Variants in ZMYM2 observed in about 807,000 individuals in gnomAD.
The protein encoded by ZMYM2 is zinc finger MYM-type protein 2.
A neutral mutation model predicts 162.8 loss-of-function variants in ZMYM2; 56 were observed. That is an observed-to-expected ratio of 0.34 (90% confidence interval 0.28 to 0.43). The LOEUF is 0.43. Ranked by LOEUF, ZMYM2 falls within the 20% of genes least tolerant of loss-of-function variation. The pLI is 1.00. For synonymous variants in ZMYM2, 510 were observed against 541.6 expected (o/e 0.94, Z 0.81); for missense variants, 1,275 against 1,621.8 (o/e 0.79, Z 3.67).
intron 2 of ZMYM2, among the ~76,000 whole-genome samples, chr13:19,977,774 G>A (rs942623822): frequency 2.0e-5 from 3 of 151,974 alleles, no homozygotes; most frequent in Non-Finnish European, 4.4e-5. Flanking sequence ...ACAGTCATGA[G>A]CCACCGCGCC....
the ZMYM2 span, among the ~76,000 whole-genome samples, chr13:19,930,032 A>T: frequency 6.6e-6 from 1 of 152,174 alleles, no homozygotes. Flanking sequence ...GCTAGGCAGG[A>T]GGATTGCCTG....
intron 11 of ZMYM2, among the ~76,000 whole-genome samples, chr13:20,035,421 G>C (rs1953597311): frequency 6.6e-6 from 1 of 152,104 alleles, no homozygotes; most frequent in African/African-American, 2.4e-5. Context: ...ATGTTTCGCT[G>C]TTATTTAAGA....
intron 6 of ZMYM2, among the ~76,000 whole-genome samples, chr13:20,014,651 G>GT (rs150239455): frequency 0.1 from 15,158 of 148,640 alleles, 1,235 homozygotes; most frequent in African/African-American, 0.22. Flanking sequence ...TTTCTGTTCT[G>GT]TTTTATTTTT....
chr13:19,934,798 T>G, the ZMYM2 span, among the ~76,000 whole-genome samples: 3 of 150,150 alleles, frequency 2.0e-5, no homozygotes, highest in African/African-American at 7.4e-5. Context: ...ATGGAGTCTC[T>G]CTCTGTTGCC....
intron 3 of ZMYM2, among the ~76,000 whole-genome samples, chr13:19,999,986 G>A (rs1157460075): frequency 6.6e-6 from 1 of 151,986 alleles, no homozygotes; most frequent in Non-Finnish European, 1.5e-5. Flanking sequence ...TATTTTTTGT[G>A]GAGACAGGGT....
intron 11 of ZMYM2, among the ~76,000 whole-genome samples, chr13:20,035,842 C>T (rs954743250): frequency 1.3e-5 from 2 of 152,018 alleles, no homozygotes; most frequent in Non-Finnish European, 2.9e-5. Flanking sequence ...CCATCAAACT[C>T]TAGTTAGATA....
Position 20,044,337 on chromosome 13 carries a change from A to G in ZMYM2, c.2293-7096A>G, listed in dbSNP as rs190680444. Among the ~76,000 whole-genome samples, 173 of 152,298 alleles carry G rather than the reference A, an allele frequency of 1.1e-3. 1 individual carries two copies. In the Middle Eastern group the frequency reaches 0.017, roughly 15 times the overall value. On this transcript the variant is annotated intron_variant, in intron 12 of 24. Coordinates refer to ENST00000610343, the MANE Select transcript of ZMYM2 (RefSeq NM_197968.4). Reference sequence around the variant, plus strand: ...TGCCCAGAGCAGGTTGCTCTCTGCCAGTTCACCTAACTTGTGCCCTCAGCA... The same window carrying G: ...TGCCCAGAGCAGGTTGCTCTCTGCCGGTTCACCTAACTTGTGCCCTCAGCA...
the ZMYM2 span, among the ~76,000 whole-genome samples, chr13:19,951,527 TAAAAAAAAAA>T: frequency 1.3e-4 from 10 of 76,408 alleles, no homozygotes; most frequent in Non-Finnish European, 2.2e-4. Flanking sequence ...CCATCTCTAC[TAAAAAAAAAA>T]AAAAAAAAAA....
the ZMYM2 span, among the ~76,000 whole-genome samples, chr13:19,936,464 G>A: frequency 2.6e-5 from 4 of 152,182 alleles, no homozygotes; most frequent in African/African-American, 9.7e-5. Flanking sequence ...GCTCTTGCCT[G>A]TAATCCCAGC....
chr13:19,968,551 C>T lies in ZMYM2; in HGVS notation c.-11+8525C>T, dbSNP rs567601279. The stretch of plus-strand genomic sequence containing the variant: ...TGCTGGGATTACAGGCGTGAGCCAC[C>T]GCACCAGACCTCCCCTCACTAGACT... On this transcript the variant is annotated intron_variant, in intron 2 of 24. Coordinates refer to ENST00000610343, the MANE Select transcript of ZMYM2 (RefSeq NM_197968.4). Among the ~76,000 whole-genome samples the T allele has an allele frequency of 9.2e-5, 14 of 152,290 alleles. No individual in the cohort carries two copies. The East Asian group carries it at 9.6e-4, about 10-fold the overall frequency.
At chr13:20,039,474 T>G (rs1352932596) in intron 12 of ZMYM2, among the ~76,000 whole-genome samples, 8 of 4,352 alleles carry the variant, frequency 1.8e-3, no homozygotes, top group African/African-American at 1.9e-3. Flanking sequence ...TTATTGAGAG[T>G]TTTTTTTTTT....
chr13:19,902,532 C>T, the ZMYM2 span, among the ~76,000 whole-genome samples: 1 of 151,986 alleles, frequency 6.6e-6, no homozygotes, highest in Non-Finnish European at 1.5e-5. Flanking sequence ...AGGAGAATTG[C>T]TTGAACCCGG....
the ZMYM2 span, among the ~76,000 whole-genome samples, chr13:19,925,966 T>C: frequency 6.6e-6 from 1 of 151,840 alleles, no homozygotes; most frequent in Admixed American, 6.6e-5. Flanking sequence ...ATGAAAATTA[T>C]CTTTTTTTTT....
upstream of ZMYM2, among the ~76,000 whole-genome samples, chr13:19,955,667 G>T (rs1277605542): frequency 6.6e-6 from 1 of 152,098 alleles, no homozygotes; most frequent in Admixed American, 6.5e-5. Flanking sequence ...TGTTGCCCAG[G>T]CTGGAGTGCA....
At chr13:19,901,383 C>A in the ZMYM2 span, among the ~76,000 whole-genome samples, 1 of 152,158 alleles carries the variant, frequency 6.6e-6, no homozygotes, top group Non-Finnish European at 1.5e-5. Flanking sequence ...ACCCAAGCGT[C>A]CACTGATAGA....
intron 6 of ZMYM2, among the ~76,000 whole-genome samples, chr13:20,016,584 C>G (rs1951650183): frequency 6.6e-6 from 1 of 151,916 alleles, no homozygotes; most frequent in African/African-American, 2.4e-5. Context: ...TTTATTTTTC[C>G]TTCAGTTTTG....
intron 6 of ZMYM2, 36 bp from the exon 7 acceptor site, chr13:20,019,511 T>C (rs1951894885): frequency 6.6e-7 from 1 of 1,516,386 alleles, no homozygotes; most frequent in African/African-American, 1.4e-5. Context: ...CTATTCTTTA[T>C]GTGTGTTTAT....
In ZMYM2 at chr13:20,086,105, C is replaced by T. The variant is rs1305192308; in HGVS notation, c.*91C>T. 4 of 1,359,868 alleles carry T rather than the reference C, an allele frequency of 2.9e-6. No homozygotes were observed. Among genetic ancestry groups the T allele is most frequent in the Middle Eastern group, 2.3e-4 (1 of 4,274 alleles). 84.2% of individuals were successfully genotyped at this position (1,359,868 alleles called of 1,614,324 possible). On this transcript the variant is annotated 3_prime_UTR_variant, in exon 25 of 25. Coordinates refer to ENST00000610343, the MANE Select transcript of ZMYM2 (RefSeq NM_197968.4). ...TATGGAAAACATTTCAAGTTTACTC[C>T]TTCTGTTTTGAGTTTTGTAGCAGTG...
intron 2 of ZMYM2, among the ~76,000 whole-genome samples, chr13:19,980,150 C>T (rs773794182): frequency 1.1e-4 from 16 of 151,314 alleles, no homozygotes; most frequent in Non-Finnish European, 1.8e-4. Context: ...CTTGTATTAA[C>T]GTTTATGTAT....
Sources: allele counts gnomAD v4.1 joint callset (sites outside exome capture counted in the v4.1 genomes callset), GRCh38; gene constraint gnomAD v4.1.1; transcripts MANE v1.5; gene names NCBI Gene and HGNC (gene_info 2026-07-23, HGNC 2026-07-21).